The following KALRN variants were observed in gnomAD, a reference collection of about 807,000 sequenced individuals.
KALRN encodes the protein kalirin RhoGEF kinase.
Under a neutral mutation model 353.7 loss-of-function variants are expected in KALRN, and 70 were observed. That is an observed-to-expected ratio of 0.20 (90% confidence interval 0.16 to 0.24). The LOEUF is 0.24. Ranked by LOEUF, KALRN falls within the 10% of genes least tolerant of loss-of-function variation. KALRN has a pLI of 1.00. For missense variants in KALRN, 2,791 were observed against 3,756.7 expected, an observed-to-expected ratio of 0.74 and a Z score of 6.72; for synonymous variants, 1,391 against 1,434.8, an observed-to-expected ratio of 0.97 and a Z score of 0.69.
chr3:124,702,552 C>T (rs1235551448), intron 57 of KALRN, among the ~76,000 whole-genome samples: 3 of 152,122 alleles, frequency 2.0e-5, no homozygotes, highest in Admixed American at 6.5e-5. Flanking sequence ...TGATTTCTAA[C>T]TTAATTTGCA....
chr3:124,710,370 G>C (rs1373464635), intron 57 of KALRN, among the ~76,000 whole-genome samples: 1 of 152,124 alleles, frequency 6.6e-6, no homozygotes, highest in Non-Finnish European at 1.5e-5. Context: ...CTTCCACAGT[G>C]GGATGTCAAC....
intron 1 of KALRN, among the ~76,000 whole-genome samples, chr3:124,202,353 C>A (rs1027567854): frequency 6.6e-6 from 1 of 152,242 alleles, no homozygotes; most frequent in East Asian, 1.9e-4. Context: ...CAGGCTCAAG[C>A]GATTTTCCCA....
intron 1 of KALRN, among the ~76,000 whole-genome samples, chr3:124,088,971 G>A (rs1206969922): frequency 6.6e-6 from 1 of 151,716 alleles, no homozygotes; most frequent in African/African-American, 2.4e-5. Context: ...GCATTCAGGT[G>A]AGTCAGATAT....
At chr3:124,299,028 C>A in intron 6 of KALRN, 115 bp downstream of exon 6, 1 of 1,366,026 alleles carries the variant, frequency 7.3e-7, no homozygotes, top group East Asian at 2.3e-5. Context: ...CATGCTGACC[C>A]TTTGGTGTTC....
chr3:124,503,165 G>C (rs895589453), intron 33 of KALRN, among the ~76,000 whole-genome samples: 1 of 152,208 alleles, frequency 6.6e-6, no homozygotes, highest in South Asian at 2.1e-4. Flanking sequence ...TATGCTGCCT[G>C]CCATTTAGTA....
At chr3:124,609,355 T>G (rs2077684453) in intron 34 of KALRN, among the ~76,000 whole-genome samples, 1 of 152,202 alleles carries the variant, frequency 6.6e-6, no homozygotes, top group South Asian at 2.1e-4. Context: ...ATCAGCCACA[T>G]AAATCCCCTC....
intron 1 of KALRN, among the ~76,000 whole-genome samples, chr3:124,055,859 T>C (rs13083500): frequency 0.6 from 90,917 of 152,152 alleles, 29,812 homozygotes; most frequent in Non-Finnish European, 0.75. Flanking sequence ...TGCCATTTTT[T>C]TCCCCATGCC....
chr3:124,302,861 G>A (rs1416284428), intron 6 of KALRN, among the ~76,000 whole-genome samples: 1 of 152,136 alleles, frequency 6.6e-6, no homozygotes, highest in Non-Finnish European at 1.5e-5. Flanking sequence ...CTCTCTGTAT[G>A]TCTTAACCTC....
intron 5 of KALRN, among the ~76,000 whole-genome samples, chr3:124,290,318 C>T (rs563778371): frequency 2.0e-5 from 3 of 152,028 alleles, no homozygotes; most frequent in East Asian, 1.9e-4. Context: ...GATTCTGACA[C>T]GAGGTCAAAG....
chr3:124,621,625 C>G (rs946791745), intron 34 of KALRN, among the ~76,000 whole-genome samples: 1 of 152,152 alleles, frequency 6.6e-6, no homozygotes, highest in Non-Finnish European at 1.5e-5. Flanking sequence ...ATTTCTAGCT[C>G]CCCCCACTTC....
intron 25 of KALRN, among the ~76,000 whole-genome samples, chr3:124,469,716 G>T (rs904845416): frequency 6.6e-6 from 1 of 151,770 alleles, no homozygotes; most frequent in Non-Finnish European, 1.5e-5. Context: ...TCTTTTTCCC[G>T]TTGCCACAAC....
intron 3 of KALRN, among the ~76,000 whole-genome samples, chr3:124,238,885 C>A (rs1001161864): frequency 3.3e-5 from 5 of 152,198 alleles, no homozygotes; most frequent in African/African-American, 1.2e-4. Context: ...TCTCCTAGGT[C>A]ACTCAGGTTT....
chr3:124,082,678 T>C (rs2060606266), intron 1 of KALRN, among the ~76,000 whole-genome samples: 1 of 152,196 alleles, frequency 6.6e-6, no homozygotes, highest in Non-Finnish European at 1.5e-5. Context: ...TATATGATCA[T>C]GACAAACAAT....
intron 25 of KALRN, among the ~76,000 whole-genome samples, chr3:124,471,319 G>A (rs1040864313): frequency 2.7e-5 from 4 of 149,556 alleles, no homozygotes; most frequent in African/African-American, 7.4e-5. Context: ...AGTTTCACTC[G>A]TGTTGCCCAG....
At chr3:124,569,265 T>G (rs1388663477) in intron 34 of KALRN, among the ~76,000 whole-genome samples, 1 of 152,134 alleles carries the variant, frequency 6.6e-6, no homozygotes, top group African/African-American at 2.4e-5. Flanking sequence ...CCTGAAGGCC[T>G]CCTGATGATT....
intron 10 of KALRN, among the ~76,000 whole-genome samples, chr3:124,369,109 A>G (rs1222679145): frequency 1.3e-5 from 2 of 152,200 alleles, no homozygotes; most frequent in Admixed American, 6.5e-5. Flanking sequence ...TTTGCCTTAC[A>G]CCAATCTATT....
rs569167614 is a variant in KALRN at position 124,254,752 on chromosome 3, T to C, written c.264-9746T>C. On this transcript the variant is annotated intron_variant, in intron 3 of 59. Coordinates refer to ENST00000682506, the MANE Select transcript of KALRN (RefSeq NM_001388419.1). ...AGTAGTTTGGCTCTCATTGTATATG[T>C]CTATTCAGCTGGAAGATTTGAGGTC... Among the ~76,000 whole-genome samples, 5 of 152,286 alleles carry C rather than the reference T, an allele frequency of 3.3e-5. No individual in the cohort carries two copies. In the South Asian group the frequency reaches 1.0e-3, roughly 32 times the overall value.
rs2063069457 is a variant in KALRN, at chr3:124,490,720, G to A, written c.4423G>A (p.Gly1475Arg). The A allele has an allele frequency of 6.2e-7, 1 of 1,613,238 alleles. No homozygotes were observed. Among genetic ancestry groups the A allele is most frequent in the African/African-American group, 1.3e-5 (1 of 74,874 alleles). ...EGFDENLDVQGELILQDAFQV... is the reference protein window; with the variant it reads ...EGFDENLDVQRELILQDAFQV... ...GTTCGACGAGAACCTGGATGTGCAG[G>A]GGGAGTTGATTCTCCAGGATGCCTT... Residue 1475 changes from glycine (G) to arginine (R), a missense_variant, in exon 30 of 60, where the codon GGG becomes AGG. Around this residue, in one of 11 missense-constraint regions of KALRN, gnomAD observed 239 missense variants for 351.3 expected, o/e 0.68. Coordinates refer to ENST00000682506, the MANE Select transcript of KALRN (RefSeq NM_001388419.1).
chr3:124,559,281 C>A lies in KALRN; in HGVS notation c.4936-3562C>A, dbSNP rs542563957. On this transcript the variant is annotated intron_variant, in intron 33 of 59. Transcript: ENST00000682506. ...AGGGATTGGTCAGCAGGGGAACAGG[C>A]CCCACTGGGAATGGCCAGGACCCAG... Among the ~76,000 whole-genome samples the A allele has an allele frequency of 2.0e-5, 3 of 152,202 alleles. No homozygotes were observed. The East Asian group carries it at 5.8e-4, about 29-fold the overall frequency.
Sources: allele counts gnomAD v4.1 joint callset (sites outside exome capture counted in the v4.1 genomes callset), GRCh38; gene constraint gnomAD v4.1.1; regional missense constraint gnomAD v4.1.1; transcripts MANE v1.5; gene names NCBI Gene and HGNC (gene_info 2026-07-23, HGNC 2026-07-21).